The following GCAT variants were observed in gnomAD, a reference collection of about 807,000 sequenced individuals.
GCAT encodes 2-amino-3-ketobutyrate coenzyme A ligase, mitochondrial.
A neutral mutation model predicts 39.7 loss-of-function variants in GCAT; 26 were observed. The observed-to-expected ratio is 0.65, with a 90% CI of 0.48 to 0.91. GCAT has a LOEUF of 0.91. Among genes scored for constraint, GCAT ranks in the 40% least tolerant of loss-of-function variants. The probability of loss-of-function intolerance (pLI) is 0.00; values close to 1 mark genes in which losing one functional copy is unlikely to be tolerated. For missense variants in GCAT, 550 were observed against 576.2 expected, an observed-to-expected ratio of 0.95 and a Z score of 0.47; for synonymous variants, 218 against 237.2, an observed-to-expected ratio of 0.92 and a Z score of 0.74.
chr22:37,809,854 G>A lies in GCAT; in HGVS notation c.197-173G>A, dbSNP rs1921373506. 3 of 770,722 alleles carry A rather than the reference G, an allele frequency of 3.9e-6. No individual in the cohort carries two copies. The Admixed American group carries it at 7.6e-5, about 19-fold the overall frequency. The allele number at this position is 770,722 out of a possible 1,614,324, so 47.7% of individuals were successfully genotyped here. ...AAAGTTTAAACTTCTTGCTCTTCAA[G>A]ATGTGTAGCACTGACGCTCCTTCTG... is the stretch of plus-strand genomic sequence containing the variant. On this transcript the variant is annotated intron_variant, in intron 1 of 8. Transcript: ENST00000248924.
Position 37,815,300 on chromosome 22 carries a change from G to C in GCAT, c.731+20G>C. The C allele has an allele frequency of 6.2e-7, 1 of 1,610,268 alleles. No individual in the cohort carries two copies. Among genetic ancestry groups the C allele is most frequent in the Middle Eastern group, 1.7e-4 (1 of 6,048 alleles). ...AGGACGGTGGGACCATGTGGCACCT[G>C]AGGCCTGGGGTGGGGCTTCTGAGGG... On this transcript the variant is annotated intron_variant, in intron 5 of 8. Coordinates refer to ENST00000248924, the MANE Select transcript of GCAT (RefSeq NM_014291.4).
chr22:37,815,369 C>T, intron 5 of GCAT, 49 bp from the exon 6 acceptor site: 5 of 1,596,728 alleles, frequency 3.1e-6, no homozygotes, highest in Non-Finnish European at 3.4e-6. Context: ...GATCCATAAT[C>T]CCTGGGCTCT....
chr22:37,809,174 C>G (rs1313769428), intron 1 of GCAT, among the ~76,000 whole-genome samples: 1 of 152,246 alleles, frequency 6.6e-6, no homozygotes, highest in Non-Finnish European at 1.5e-5. Flanking sequence ...TCAGGGGAAG[C>G]TTAGAGCCGG....
rs759557436 is a variant in GCAT at position 37,816,322 on chromosome 22, G to A, written c.1108+1G>A. On this transcript the variant is annotated splice_donor_variant, in intron 8 of 8. Transcript: ENST00000248924. LOFTEE classifies it high-confidence loss of function. ...ATGGCGGATGACATGCTGAAGAGAG[G>A]TAAGGGTGCTGAGACAAGGGAACTG... is the stretch of plus-strand genomic sequence containing the variant. 14 of 1,610,204 alleles carry A rather than the reference G, an allele frequency of 8.7e-6. No homozygotes were observed. Among genetic ancestry groups the A allele is most frequent in the Non-Finnish European group, 1.2e-5 (14 of 1,179,926 alleles).
chr22:37,816,391 GACCCAGCCCCGT>G (rs1467126308), intron 8 of GCAT, 70 bp downstream of exon 8: 8 of 1,576,072 alleles, frequency 5.1e-6, no homozygotes, highest in Middle Eastern at 3.5e-4. Context: ...CCTAGACTGT[GACCCAGCCCCGT>G]ACCCAGCCAC....
At chr22:37,815,523 G>C (rs62235069) in intron 6 of GCAT, 23 bp downstream of exon 6, 2 of 1,587,982 alleles carry the variant, frequency 1.3e-6, no homozygotes, top group South Asian at 1.1e-5. Context: ...TTGTGTCCCT[G>C]GGGTCCCCTT....
chr22:37,816,590 T>C lies in GCAT; in HGVS notation c.1132T>C (p.Tyr378His). Residue 378 changes from tyrosine to histidine, a missense_variant, in exon 9 of 9, where the codon TAC becomes CAC. Tyr to His is a moderately conservative substitution (Grantham distance 83, BLOSUM62 2). This residue lies in a region of GCAT where 378 missense variants were observed against 390.4 expected (regional missense o/e 0.97). Coordinates refer to ENST00000248924, the MANE Select transcript of GCAT (RefSeq NM_014291.4). ...KRGIFVIGFS[Y>H]PVVPKGKARI... The stretch of plus-strand genomic sequence containing the variant: ...AGGCATCTTTGTCATCGGGTTCAGC[T>C]ACCCCGTGGTCCCCAAGGGCAAGGC... 6.2e-7 allele frequency: 1 copy of C among 1,614,200 alleles called. No individual in the cohort carries two copies. The highest frequency in any genetic ancestry group is 8.5e-7 in the Non-Finnish European group (1 of 1,180,028).
At chr22:37,813,277 A>T (rs1921796842) in intron 3 of GCAT, 186 bp from the exon 4 acceptor site, 1 of 728,272 alleles carries the variant, frequency 1.4e-6, no homozygotes, top group East Asian at 2.7e-5. Context: ...CTCTTACTAG[A>T]GCAGGGCGCT....
At chr22:37,809,283 G>A in intron 1 of GCAT, among the ~76,000 whole-genome samples, 1 of 152,210 alleles carries the variant, frequency 6.6e-6, no homozygotes, top group East Asian at 1.9e-4. Context: ...CCTAAGGTCA[G>A]CTGTGTTCAC....
rs1250040793 is a variant in GCAT at position 37,816,689 on chromosome 22, G to A, written c.1231G>A (p.Val411Met). ...CCGCTGCGTGGAGGCCTTCGTGGAA[G>A]TGGGGCGACTGCACGGGGCACTGCC... ...IDRCVEAFVE[V>M]GRLHGALP Residue 411 changes from valine (V) to methionine (M), a missense_variant, in exon 9 of 9, where the codon GTG becomes ATG. Coordinates refer to ENST00000248924, the MANE Select transcript of GCAT (RefSeq NM_014291.4). The A allele has an allele frequency of 1.9e-6, 3 of 1,614,094 alleles. No individual in the cohort carries two copies. Among genetic ancestry groups the A allele is most frequent in the Middle Eastern group, 1.6e-4 (1 of 6,062 alleles).
At chr22:37,808,362 A>T (rs1921206172) in intron 1 of GCAT, among the ~76,000 whole-genome samples, 199 bp downstream of exon 1, 1 of 152,240 alleles carries the variant, frequency 6.6e-6, no homozygotes, top group African/African-American at 2.4e-5. Context: ...TTTGCCCAGC[A>T]AGAAAACCCG....
At chr22:37,815,004 C>G in intron 4 of GCAT, 122 bp from the exon 5 acceptor site, 11 of 883,058 alleles carry the variant, frequency 1.2e-5, no homozygotes, top group Non-Finnish European at 2.0e-5. Flanking sequence ...GGTGGTACCT[C>G]TGTGCCCACC....
At chr22:37,816,499 C>T in intron 8 of GCAT, 68 bp from the exon 9 acceptor site, 2 of 1,575,852 alleles carry the variant, frequency 1.3e-6, no homozygotes, top group Non-Finnish European at 1.7e-6. Context: ...TGGGGCAGTT[C>T]CCTTGCCCTC....
Position 37,816,337 on chromosome 22 carries a change from C to T in GCAT, c.1108+16C>T. The T allele has an allele frequency of 6.2e-7, 1 of 1,607,984 alleles. No individual in the cohort carries two copies. Among genetic ancestry groups the T allele is most frequent in the Non-Finnish European group, 8.5e-7 (1 of 1,179,520 alleles). ...CTGAAGAGAGGTAAGGGTGCTGAGA[C>T]AAGGGAACTGGTGGTGGGTCCTGAG... On this transcript the variant is annotated intron_variant, in intron 8 of 8. Coordinates refer to ENST00000248924, the MANE Select transcript of GCAT (RefSeq NM_014291.4).
intron 1 of GCAT, among the ~76,000 whole-genome samples, chr22:37,809,218 C>T (rs1921302725): frequency 1.3e-5 from 2 of 152,222 alleles, no homozygotes; most frequent in African/African-American, 4.8e-5. Flanking sequence ...CCCAAGTTCT[C>T]ATCCTGTTTT....
chr22:37,809,689 C>T (rs1231044336), intron 1 of GCAT, among the ~76,000 whole-genome samples: 1 of 152,012 alleles, frequency 6.6e-6, no homozygotes. Context: ...GGCATGGTGG[C>T]ACGCACCTGT....
chr22:37,808,781 G>A (rs1242907172), intron 1 of GCAT, among the ~76,000 whole-genome samples: 4 of 152,094 alleles, frequency 2.6e-5, no homozygotes, highest in Middle Eastern at 3.2e-3. Context: ...CTGCCTCCCG[G>A]GTTCAAGCGA....
intron 7 of GCAT, 115 bp from the exon 8 acceptor site, chr22:37,816,085 G>C (rs770069826): frequency 8.4e-6 from 11 of 1,311,958 alleles, no homozygotes; most frequent in Non-Finnish European, 1.1e-5. Context: ...GCTTGTAACT[G>C]TCTTTGTTGA....
chr22:37,808,171 T>C lies in GCAT; in HGVS notation c.196+8T>C. ...TGGACGGCGTCTCCGGAGGTAACGCTCCGTTCCGGGAGTCGTTCCAAGACC... is the reference window on the plus strand; with the variant it reads ...TGGACGGCGTCTCCGGAGGTAACGCCCCGTTCCGGGAGTCGTTCCAAGACC... On this transcript the variant is annotated splice_region_variant and intron_variant, in intron 1 of 8. Transcript: ENST00000248924. 4.1e-6 allele frequency: 6 copies of C among 1,481,022 alleles called. No individual in the cohort carries two copies. The highest frequency in any genetic ancestry group is 5.4e-6 in the Non-Finnish European group (6 of 1,113,638). 91.7% of individuals were successfully genotyped at this position (1,481,022 alleles called of 1,614,324 possible).
Sources: allele counts gnomAD v4.1 joint callset (sites outside exome capture counted in the v4.1 genomes callset), GRCh38; gene constraint gnomAD v4.1.1; regional missense constraint gnomAD v4.1.1; transcripts MANE v1.5; gene names NCBI Gene and HGNC (gene_info 2026-07-23, HGNC 2026-07-21).